The following JAK2 variants were observed in gnomAD, a reference collection of about 807,000 sequenced individuals.
JAK2 encodes tyrosine-protein kinase JAK2.
Under a neutral mutation model 139.3 loss-of-function variants are expected in JAK2, and 86 were observed. The ratio of observed to expected loss-of-function variants is 0.62; its 90% CI spans 0.52 to 0.74. The LOEUF (loss-of-function observed/expected upper bound fraction) is 0.74. JAK2 is among the 30% of genes least tolerant of loss of function. The pLI, the probability that JAK2 is intolerant of heterozygous loss-of-function variation, is 0.00. For synonymous variants in JAK2, 490 were observed against 437.7 expected (o/e 1.12, Z -1.49); for missense variants, 1,421 against 1,360.3 (o/e 1.04, Z -0.70).
chr9:5,085,970 G>C (rs1180028717), intron 19 of JAK2: 2 of 1,093,274 alleles, frequency 1.8e-6, no homozygotes, highest in East Asian at 4.7e-5. Context: ...TCTCACCACT[G>C]TGTGTTTTGC....
chr9:5,090,523 C>T lies in JAK2; in HGVS notation c.2839C>T (p.Arg947Trp), dbSNP rs370705658. The T allele has an allele frequency of 3.8e-6, 6 of 1,591,484 alleles. No individual in the cohort carries two copies. The East Asian group carries it at 6.8e-5, about 18-fold the overall frequency. ...LRDYLQKHKE[R>W]IDHIKLLQYT... ...AGACTATCTTCAAAAACATAAAGAACGGATAGATCACATAAAACTTCTGCA... is the reference window on the plus strand; with the variant it reads ...AGACTATCTTCAAAAACATAAAGAATGGATAGATCACATAAAACTTCTGCA... Residue 947 changes from arginine (R) to tryptophan (W), a missense_variant, in exon 21 of 25, where the codon CGG becomes TGG. Arg to Trp is a moderately radical substitution (Grantham distance 101). Transcript: ENST00000381652.
chr9:5,005,724 A>G (rs533889673), intron 2 of JAK2, among the ~76,000 whole-genome samples: 3 of 152,156 alleles, frequency 2.0e-5, no homozygotes, highest in African/African-American at 7.2e-5. Context: ...GAGAGTTTGT[A>G]TAAGCTCAAT....
At chr9:5,031,918 C>A (rs1239474195) in intron 4 of JAK2, among the ~76,000 whole-genome samples, 1 of 152,192 alleles carries the variant, frequency 6.6e-6, no homozygotes, top group African/African-American at 2.4e-5. Context: ...GAGTGTAGGA[C>A]AGTGGGTGCA....
intron 8 of JAK2, among the ~76,000 whole-genome samples, chr9:5,062,691 G>A (rs1026589989): frequency 6.6e-6 from 1 of 151,986 alleles, no homozygotes; most frequent in African/African-American, 2.4e-5. Flanking sequence ...TGTTTCCAAT[G>A]TATCTGTACA....
rs966081063 is a variant in JAK2, at chr9:5,126,835, A to C, written c.*44A>C. ...TGAGACCAAAGTAGATTTACAGAAC[A>C]AAGTTTTATATTTCACATTGCTGTG... On this transcript the variant is annotated 3_prime_UTR_variant, in exon 25 of 25. Coordinates refer to ENST00000381652, the MANE Select transcript of JAK2 (RefSeq NM_004972.4). 3 of 1,189,240 alleles carry C rather than the reference A, an allele frequency of 2.5e-6. No homozygotes were observed. The highest frequency in any genetic ancestry group is 2.5e-6 in the Non-Finnish European group (2 of 807,204). 73.7% of individuals were successfully genotyped at this position (1,189,240 alleles called of 1,614,324 possible).
intron 4 of JAK2, among the ~76,000 whole-genome samples, chr9:5,043,911 T>C (rs572314767): frequency 1.3e-5 from 2 of 152,338 alleles, no homozygotes; most frequent in South Asian, 2.1e-4. Context: ...ACTAAAAACA[T>C]TGAATTTTAC....
Position 5,064,894 on chromosome 9 carries a change from T to G in JAK2, c.1068T>G (p.Leu356=). 6.3e-7 allele frequency: 1 copy of G among 1,581,534 alleles called. No individual in the cohort carries two copies. The highest frequency in any genetic ancestry group is 1.2e-5 in the South Asian group (1 of 85,238). ...TTTTCTCTGCTTAGGAAATTGAACT[T>G]AGCTCATTAAGGGAAGCTTTGTCTT... The part of the protein sequence containing the change: ...KQDGKNLEIE[L]SSLREALSFV... The change falls in exon 9 of 25, where the codon CTT becomes CTG. Residue 356 remains leucine, a synonymous_variant. Coordinates refer to ENST00000381652, the MANE Select transcript of JAK2 (RefSeq NM_004972.4).
At chr9:5,048,142 TTTTC>T (rs1389803634) in intron 5 of JAK2, among the ~76,000 whole-genome samples, 6 of 152,028 alleles carry the variant, frequency 3.9e-5, no homozygotes, top group African/African-American at 1.2e-4. Flanking sequence ...AGTTCTTTTC[TTTTC>T]TTTCTTTTTT....
At chr9:5,003,876 C>T (rs991585033) in intron 2 of JAK2, among the ~76,000 whole-genome samples, 7 of 151,690 alleles carry the variant, frequency 4.6e-5, no homozygotes, top group Non-Finnish European at 8.8e-5. Context: ...GCTTTTATTC[C>T]TAGTTTGAGA....
chr9:5,041,754 G>A, intron 4 of JAK2: 1 of 490,588 alleles, frequency 2.0e-6, no homozygotes, highest in South Asian at 1.5e-5. Flanking sequence ...CATCAGCAGT[G>A]TCCACACCGA....
At position 5,021,421 on chromosome 9, in the gene JAK2, G is replaced by A. The variant is rs184211496; in HGVS notation, c.-25-542G>A. ...GTTCATGTTAGGATTTTATATCATC[G>A]TCCTCAATTAGGTTGTTAACTGGAA... On this transcript the variant is annotated intron_variant, in intron 2 of 24. Coordinates refer to ENST00000381652, the MANE Select transcript of JAK2 (RefSeq NM_004972.4). 1.2e-3 allele frequency among the ~76,000 whole-genome samples: 185 copies of A among 152,136 alleles called. 2 individuals carry two copies. The Middle Eastern group carries it at 0.044, about 36-fold the overall frequency.
chr9:5,036,597 A>G (rs898448197), intron 4 of JAK2, among the ~76,000 whole-genome samples: 1 of 152,176 alleles, frequency 6.6e-6, no homozygotes, highest in Non-Finnish European at 1.5e-5. Context: ...ACCTGACAAA[A>G]ACAAGAAATG....
intron 22 of JAK2, among the ~76,000 whole-genome samples, chr9:5,121,487 T>C (rs144699922): frequency 1.1e-3 from 173 of 152,274 alleles, no homozygotes; most frequent in African/African-American, 4.1e-3. Flanking sequence ...GGAGGTAGTT[T>C]TGCAGCTTGG....
At chr9:5,112,357 T>C (rs1270349208) in intron 22 of JAK2, 4 of 355,750 alleles carry the variant, frequency 1.1e-5, no homozygotes, top group Non-Finnish European at 2.1e-5. Context: ...ACTCCTGCAG[T>C]GGGCTAGGGC....
intron 2 of JAK2, among the ~76,000 whole-genome samples, chr9:5,000,761 T>A (rs1224556046): frequency 6.6e-6 from 1 of 152,236 alleles, no homozygotes; most frequent in East Asian, 1.9e-4. Context: ...GGAGATACCA[T>A]CTTCTTGTTT....
chr9:5,036,383 G>T (rs1448110818), intron 4 of JAK2, among the ~76,000 whole-genome samples: 4 of 152,098 alleles, frequency 2.6e-5, no homozygotes, highest in Non-Finnish European at 5.9e-5. Context: ...CTACTTTAAA[G>T]TTCATATGGA....
Position 5,080,505 on chromosome 9 carries a change from T to G in JAK2, c.2284-28T>G, listed in dbSNP as rs184768072. On this transcript the variant is annotated intron_variant, in intron 17 of 24. Transcript: ENST00000381652. ...GGTTGGTGTGGCATTACACAATTTATTCTCAGTTTGTGGTTCTTTAATTAT... is the reference window on the plus strand; with the variant it reads ...GGTTGGTGTGGCATTACACAATTTAGTCTCAGTTTGTGGTTCTTTAATTAT... The G allele has an allele frequency of 4.2e-5, 65 of 1,564,596 alleles. No individual in the cohort carries two copies. In the East Asian group the frequency reaches 1.4e-3, roughly 35 times the overall value.
At chr9:5,064,344 A>T (rs1276796837) in intron 8 of JAK2, among the ~76,000 whole-genome samples, 1 of 152,198 alleles carries the variant, frequency 6.6e-6, no homozygotes, top group Non-Finnish European at 1.5e-5. Flanking sequence ...AGCCTGGCCA[A>T]CATGGCGAGA....
chr9:5,120,170 G>C (rs910481321), intron 22 of JAK2, among the ~76,000 whole-genome samples: 1 of 152,216 alleles, frequency 6.6e-6, no homozygotes, highest in East Asian at 1.9e-4. Context: ...CTTCAGAGAG[G>C]AGGAACACCA....
Sources: allele counts gnomAD v4.1 joint callset (sites outside exome capture counted in the v4.1 genomes callset), GRCh38; gene constraint gnomAD v4.1.1; transcripts MANE v1.5; gene names NCBI Gene and HGNC (gene_info 2026-07-23, HGNC 2026-07-21).